The following UNC5D variants were observed in gnomAD, a reference collection of about 807,000 sequenced individuals.
UNC5D encodes netrin receptor UNC5D.
Under a neutral mutation model 105.4 loss-of-function variants are expected in UNC5D, and 39 were observed. The observed-to-expected ratio is 0.37, with a 90% CI of 0.29 to 0.48. The LOEUF (loss-of-function observed/expected upper bound fraction) is 0.48. Among genes scored for constraint, UNC5D ranks in the 20% least tolerant of loss-of-function variants. The probability of loss-of-function intolerance (pLI) is 0.98; values close to 1 mark genes in which losing one functional copy is unlikely to be tolerated. For missense variants in UNC5D, 991 were observed against 1,202.4 expected (o/e 0.82, Z 2.60); for synonymous variants, 452 against 450.4 (o/e 1.00, Z -0.04).
At position 35,413,281 on chromosome 8, in the gene UNC5D, GTGTGTGTGTGT is replaced by G. The variant is rs1193084805; in HGVS notation, c.104-135999_104-135989del. Among the ~76,000 whole-genome samples the G allele has an allele frequency of 6.5e-4, 14 of 21,404 alleles. No individual in the cohort carries two copies. The Admixed American group carries it at 8.1e-3, about 12-fold the overall frequency. 14.0% of individuals were successfully genotyped at this position (21,404 alleles called of 152,430 possible). Reference sequence around the variant, plus strand: ...TCTGTGTGTGTGTGTGTGTGTGTGTGTGTGTGTGTGTTGTGTGTGTGTGTGTGTTTTCTCTC... The same window carrying G: ...TCTGTGTGTGTGTGTGTGTGTGTGTGTGTGTGTGTGTGTGTGTTTTCTCTC... On this transcript the variant is annotated intron_variant, in intron 1 of 16. Coordinates refer to ENST00000404895, the MANE Select transcript of UNC5D (RefSeq NM_080872.4).
chr8:35,316,095 A>T (rs1306340772), intron 1 of UNC5D, among the ~76,000 whole-genome samples: 1 of 152,212 alleles, frequency 6.6e-6, no homozygotes, highest in Non-Finnish European at 1.5e-5. Context: ...GCAGTACATT[A>T]ATCGAATAGT....
intron 1 of UNC5D, among the ~76,000 whole-genome samples, chr8:35,479,777 G>A (rs1156282954): frequency 3.9e-5 from 6 of 152,150 alleles, no homozygotes; most frequent in Non-Finnish European, 2.9e-5. Context: ...GGACTGCTTG[G>A]TCAGGGAAGG....
intron 1 of UNC5D, among the ~76,000 whole-genome samples, chr8:35,302,261 A>T (rs755808059): frequency 6.6e-6 from 1 of 152,218 alleles, no homozygotes; most frequent in South Asian, 2.1e-4. Context: ...CTGAGAGCCA[A>T]ATCTGGAAAA....
intron 3 of UNC5D, among the ~76,000 whole-genome samples, chr8:35,574,733 A>C (rs1817976171): frequency 6.6e-6 from 1 of 152,202 alleles, no homozygotes; most frequent in Non-Finnish European, 1.5e-5. Context: ...CCTGGCTTAC[A>C]GATGCAGCCT....
chr8:35,664,964 GCTGGGA>G (rs1824333995), intron 4 of UNC5D, among the ~76,000 whole-genome samples: 1 of 152,002 alleles, frequency 6.6e-6, no homozygotes, highest in Non-Finnish European at 1.5e-5. Flanking sequence ...CTCCCAAATA[GCTGGGA>G]CTGCAGATGT....
intron 1 of UNC5D, among the ~76,000 whole-genome samples, chr8:35,507,572 T>C (rs1812414400): frequency 6.7e-6 from 1 of 149,178 alleles, no homozygotes; most frequent in African/African-American, 2.5e-5. Context: ...GTCATGGAGA[T>C]AGAGAGCAGA....
intron 1 of UNC5D, among the ~76,000 whole-genome samples, chr8:35,459,886 A>G (rs1808766271): frequency 6.6e-6 from 1 of 152,228 alleles, no homozygotes; most frequent in African/African-American, 2.4e-5. Flanking sequence ...AAACATTTGC[A>G]TGAACATGGC....
chr8:35,350,250 T>G (rs1395827682), intron 1 of UNC5D, among the ~76,000 whole-genome samples: 1 of 151,910 alleles, frequency 6.6e-6, no homozygotes. Flanking sequence ...GTCCATTAAC[T>G]TAAGCATGGA....
chr8:35,538,238 G>A (rs1424262472), intron 1 of UNC5D, among the ~76,000 whole-genome samples: 1 of 151,384 alleles, frequency 6.6e-6, no homozygotes, highest in African/African-American at 2.4e-5. Context: ...AAAAGCATGC[G>A]TGTGATCTCC....
At chr8:35,751,200 G>A (rs570085797) in intron 13 of UNC5D, among the ~76,000 whole-genome samples, 2 of 152,266 alleles carry the variant, frequency 1.3e-5, no homozygotes, top group South Asian at 4.1e-4. Context: ...GTCAGTTCCT[G>A]GGTCGGGGCC....
At chr8:35,428,132 A>G (rs1053229704) in intron 1 of UNC5D, among the ~76,000 whole-genome samples, 3 of 152,094 alleles carry the variant, frequency 2.0e-5, no homozygotes, top group African/African-American at 2.4e-5. Context: ...TCCCACATTC[A>G]TGGAAACAAA....
chr8:35,386,344 C>A (rs1803396849), intron 1 of UNC5D, among the ~76,000 whole-genome samples: 2 of 152,156 alleles, frequency 1.3e-5, no homozygotes, highest in Admixed American at 6.5e-5. Flanking sequence ...CATGTACACA[C>A]CCCACTCAAT....
At chr8:35,249,002 CATAT>C (rs1218312873) in intron 1 of UNC5D, among the ~76,000 whole-genome samples, 1 of 70,152 alleles carries the variant, frequency 1.4e-5, no homozygotes, top group Non-Finnish European at 2.5e-5. Context: ...TATATATAAA[CATAT>C]ATAATATATA....
At chr8:35,287,135 A>G (rs1806657021) in intron 1 of UNC5D, among the ~76,000 whole-genome samples, 1 of 152,222 alleles carries the variant, frequency 6.6e-6, no homozygotes, top group Non-Finnish European at 1.5e-5. Flanking sequence ...AAAGATCTAT[A>G]ACCACCAAAA....
At chr8:35,413,027 A>G (rs1415018823) in intron 1 of UNC5D, among the ~76,000 whole-genome samples, 2 of 152,042 alleles carry the variant, frequency 1.3e-5, no homozygotes, top group Non-Finnish European at 2.9e-5. Context: ...TTCACTGTCA[A>G]TTCAGTTTCT....
rs747360847 is a variant in UNC5D at position 35,750,799 on chromosome 8, G to A, written c.2153G>A (p.Cys718Tyr). Residue 718 changes from cysteine to tyrosine, a missense_variant, in exon 13 of 17, where the codon TGT becomes TAT. Physicochemically the swap from Cys to Tyr is radical, Grantham distance 194. Coordinates refer to ENST00000404895, the MANE Select transcript of UNC5D (RefSeq NM_080872.4). ...GTTTACTGTGTGGACAATACCCCTT[G>A]TGCATTTCAGGTTAGCCTTTGTTTT... ...LRVYCVDNTPCAFQEVVSDER... is the reference protein window; with the variant it reads ...LRVYCVDNTPYAFQEVVSDER... The A allele has an allele frequency of 6.2e-7, 1 of 1,614,076 alleles. No homozygotes were observed. Among genetic ancestry groups the A allele is most frequent in the South Asian group, 1.1e-5 (1 of 91,074 alleles).
At chr8:35,707,605 A>G (rs1323804605) in intron 8 of UNC5D, among the ~76,000 whole-genome samples, 1 of 152,214 alleles carries the variant, frequency 6.6e-6, no homozygotes, top group East Asian at 1.9e-4. Context: ...CACATGGTGC[A>G]TGCTGTCCAC....
rs375647978 is a variant in UNC5D at position 35,654,540 on chromosome 8, A to G, written c.571-29007A>G. On this transcript the variant is annotated intron_variant, in intron 4 of 16. Coordinates refer to ENST00000404895, the MANE Select transcript of UNC5D (RefSeq NM_080872.4). ...GTGGAAAATGCCTGCTCTTAGGCTC[A>G]CTCACCCAGATCACTCCTTGAGAAG... is the stretch of plus-strand genomic sequence containing the variant. Among the ~76,000 whole-genome samples, 51 of 152,074 alleles carry G rather than the reference A, an allele frequency of 3.4e-4. 2 individuals carry two copies. The South Asian group carries it at 6.0e-3, about 18-fold the overall frequency.
Position 35,714,564 on chromosome 8 carries a change from A to G in UNC5D, c.1118-7646A>G, listed in dbSNP as rs565421267. Among the ~76,000 whole-genome samples, 4 of 152,354 alleles carry G rather than the reference A, an allele frequency of 2.6e-5. No individual in the cohort carries two copies. In the South Asian group the frequency reaches 8.3e-4, roughly 32 times the overall value. On this transcript the variant is annotated intron_variant, in intron 8 of 16. Transcript: ENST00000404895. ...CTGCCTATTTAGAACTAGGAGAATGAAGGGTAGTTACTAAACAATCAGTAA... is the reference window on the plus strand; with the variant it reads ...CTGCCTATTTAGAACTAGGAGAATGGAGGGTAGTTACTAAACAATCAGTAA...
Sources: allele counts gnomAD v4.1 joint callset (sites outside exome capture counted in the v4.1 genomes callset), GRCh38; gene constraint gnomAD v4.1.1; transcripts MANE v1.5; gene names NCBI Gene and HGNC (gene_info 2026-07-23, HGNC 2026-07-21).